SPATA9: variants seen among roughly 807,000 people sequenced by gnomAD.
SPATA9 encodes the protein spermatogenesis associated 9.
In SPATA9, 27 loss-of-function variants were observed where a neutral mutation model predicts 25.5. The ratio of observed to expected loss-of-function variants is 1.06; its 90% CI spans 0.78 to 1.46. SPATA9 has a LOEUF of 1.46. SPATA9 is among the 40% of genes most tolerant of loss of function. The pLI, the probability that SPATA9 is intolerant of heterozygous loss-of-function variation, is 0.00. For missense variants in SPATA9, 282 were observed against 297.5 expected (o/e 0.95, Z 0.38); for synonymous variants, 102 against 105.7 (o/e 0.97, Z 0.21).
intron 1 of SPATA9, among the ~76,000 whole-genome samples, chr5:95,696,212 G>A (rs777886537): frequency 6.6e-6 from 1 of 152,134 alleles, no homozygotes; most frequent in African/African-American, 2.4e-5. Context: ...GAAACAATAA[G>A]ATAATAAATA....
chr5:95,708,145 C>T, the SPATA9 span, among the ~76,000 whole-genome samples: 7 of 152,114 alleles, frequency 4.6e-5, no homozygotes, highest in Non-Finnish European at 8.8e-5. Flanking sequence ...TTTTCTCGTT[C>T]CTGTTGGTGC....
chr5:95,679,503 G>A (rs1334016227), intron 2 of SPATA9, among the ~76,000 whole-genome samples: 2 of 152,194 alleles, frequency 1.3e-5, no homozygotes, highest in Non-Finnish European at 2.9e-5. Flanking sequence ...TACCTCTCAT[G>A]CTTAGCTGAT....
chr5:95,666,857 A>G (rs1751856644), intron 3 of SPATA9, among the ~76,000 whole-genome samples: 1 of 152,176 alleles, frequency 6.6e-6, no homozygotes, highest in Non-Finnish European at 1.5e-5. Flanking sequence ...AAAATTCTAC[A>G]TCCCATGTTT....
intron 1 of SPATA9, among the ~76,000 whole-genome samples, chr5:95,694,334 G>C (rs996582100): frequency 6.6e-6 from 1 of 152,124 alleles, no homozygotes; most frequent in African/African-American, 2.4e-5. Flanking sequence ...AATCCCTTCA[G>C]CTATGGTCAT....
chr5:95,692,527 T>C (rs916641336), intron 1 of SPATA9, among the ~76,000 whole-genome samples: 3 of 152,072 alleles, frequency 2.0e-5, no homozygotes, highest in African/African-American at 7.2e-5. Context: ...GTATATTTTT[T>C]CCTTTTTCTT....
upstream of SPATA9, among the ~76,000 whole-genome samples, chr5:95,684,385 A>C (rs982563195): frequency 6.6e-6 from 1 of 151,990 alleles, no homozygotes; most frequent in African/African-American, 2.4e-5. Context: ...ACCATCCCCT[A>C]GTTCTTTTTA....
intron 1 of SPATA9, among the ~76,000 whole-genome samples, chr5:95,688,821 C>A (rs2112702461): frequency 6.6e-6 from 1 of 152,134 alleles, no homozygotes; most frequent in South Asian, 2.1e-4. Context: ...CACCACTTCA[C>A]AACATATCCA....
chr5:95,654,465 T>G, downstream of SPATA9: 1 of 815,080 alleles, frequency 1.2e-6, no homozygotes, highest in South Asian at 1.8e-5. Flanking sequence ...GCTTTGAATA[T>G]AATTCCAAGT....
At chr5:95,666,554 TAGAG>T (rs1246429370) in intron 3 of SPATA9, among the ~76,000 whole-genome samples, 3 of 152,280 alleles carry the variant, frequency 2.0e-5, no homozygotes, top group East Asian at 3.9e-4. Flanking sequence ...AGTCCCTTAT[TAGAG>T]AGGGAATATT....
the SPATA9 span, among the ~76,000 whole-genome samples, chr5:95,721,860 G>A: frequency 3.3e-5 from 5 of 152,252 alleles, no homozygotes; most frequent in Middle Eastern, 3.4e-3. Context: ...AATGCCAAAA[G>A]GACTATTCAT....
the SPATA9 span, among the ~76,000 whole-genome samples, chr5:95,711,507 G>C: frequency 6.6e-6 from 1 of 152,138 alleles, no homozygotes; most frequent in African/African-American, 2.4e-5. Flanking sequence ...CTCATCACCC[G>C]GAGGGACTTG....
chr5:95,688,515 A>G (rs904107239), intron 1 of SPATA9, among the ~76,000 whole-genome samples: 1 of 152,106 alleles, frequency 6.6e-6, no homozygotes, highest in Non-Finnish European at 1.5e-5. Flanking sequence ...GTCTCCTAAT[A>G]TGCTTGGATT....
chr5:95,668,244 AAATT>A (rs1397920332), intron 3 of SPATA9, among the ~76,000 whole-genome samples: 1 of 152,238 alleles, frequency 6.6e-6, no homozygotes, highest in Non-Finnish European at 1.5e-5. Context: ...GTTTCAAAAT[AAATT>A]ATGTACTTGA....
At chr5:95,663,481 T>C (rs1173720482) in intron 4 of SPATA9, among the ~76,000 whole-genome samples, 3 of 152,212 alleles carry the variant, frequency 2.0e-5, no homozygotes, top group Non-Finnish European at 4.4e-5. Context: ...CTTTCCTTTT[T>C]GTGTGTTACA....
At chr5:95,671,913 TA>T (rs201985677) in intron 3 of SPATA9, among the ~76,000 whole-genome samples, 4 of 93,702 alleles carry the variant, frequency 4.3e-5, no homozygotes, top group African/African-American at 2.0e-4. Flanking sequence ...AAAGTATAAT[TA>T]AAAAAAGTAA....
chr5:95,657,928 C>G (rs1750863534), downstream of SPATA9: 1 of 126,214 alleles, frequency 7.9e-6, no homozygotes, highest in South Asian at 2.4e-4. Context: ...AAAGTACTTT[C>G]TTCAGGCAAA....
downstream of SPATA9, chr5:95,652,880 G>T: frequency 4.0e-6 from 2 of 493,948 alleles, no homozygotes; most frequent in Non-Finnish European, 6.8e-6. Flanking sequence ...TTGTTGTTTT[G>T]CTATAATCCA....
At chr5:95,689,772 T>C (rs12716475) in intron 1 of SPATA9, among the ~76,000 whole-genome samples, 31,866 of 151,946 alleles carry the variant, frequency 0.21, 3,930 homozygotes, top group African/African-American at 0.35. Flanking sequence ...CACTAATAAC[T>C]AGAGAAATGC....
the SPATA9 span, among the ~76,000 whole-genome samples, chr5:95,710,950 C>A: frequency 6.6e-6 from 1 of 151,984 alleles, no homozygotes. Flanking sequence ...TCTGGGGCTG[C>A]CTGAGCCACA....
Sources: gnomAD v4.1 joint callset for allele counts (sites outside exome capture counted in the v4.1 genomes callset) on GRCh38, gnomAD v4.1.1 for gene constraint, MANE v1.5 for transcripts, NCBI Gene and HGNC (gene_info 2026-07-23, HGNC 2026-07-21) for gene names.